RAB31: variants seen among roughly 807,000 people sequenced by gnomAD.
RAB31 encodes the protein RAB31, member RAS oncogene family.
RAB31 carries 21 observed loss-of-function variants against 25.6 expected under a neutral mutation model. The ratio of observed to expected loss-of-function variants is 0.82; its 90% CI spans 0.58 to 1.18. The LOEUF (loss-of-function observed/expected upper bound fraction) is 1.18. RAB31 is among the 50% of genes most tolerant of loss of function. The pLI, the probability that RAB31 is intolerant of heterozygous loss-of-function variation, is 0.00. For synonymous variants in RAB31, 87 were observed against 84.0 expected (o/e 1.04, Z -0.20); for missense variants, 196 against 250.1 (o/e 0.78, Z 1.46).
intron 3 of RAB31, among the ~76,000 whole-genome samples, chr18:9,799,884 A>G (rs79185144): frequency 0.017 from 2,556 of 152,336 alleles, 66 homozygotes; most frequent in African/African-American, 0.058. Context: ...ACCAAGGACT[A>G]TGAAGAGGGG....
chr18:9,773,786 G>A (rs920856299), intron 1 of RAB31, among the ~76,000 whole-genome samples: 1 of 152,128 alleles, frequency 6.6e-6, no homozygotes, highest in Non-Finnish European at 1.5e-5. Flanking sequence ...AGCCTCCCAA[G>A]TAGCTGGGAC....
At chr18:9,791,759 C>G (rs2068461526) in intron 2 of RAB31, among the ~76,000 whole-genome samples, 2 of 152,072 alleles carry the variant, frequency 1.3e-5, no homozygotes, top group Admixed American at 6.6e-5. Context: ...ACGCCGCCAC[C>G]AGGCCTGGCT....
intron 1 of RAB31, among the ~76,000 whole-genome samples, chr18:9,728,252 A>G (rs2068104949): frequency 6.6e-6 from 1 of 152,226 alleles, no homozygotes; most frequent in East Asian, 1.9e-4. Flanking sequence ...ATCATGATTT[A>G]CTTAACTGGT....
At chr18:9,784,965 T>C (rs2145496194) in intron 2 of RAB31, 1 of 152,300 alleles carries the variant, frequency 6.6e-6, no homozygotes, top group Non-Finnish European at 1.5e-5. Flanking sequence ...GAGCAAAAGT[T>C]ATGTTAAAAT....
chr18:9,847,583 C>CT (rs998532707), intron 6 of RAB31, among the ~76,000 whole-genome samples: 11 of 151,612 alleles, frequency 7.3e-5, no homozygotes, highest in South Asian at 2.1e-4. Context: ...TATCTTTTTT[C>CT]TTTTTTTTTC....
At chr18:9,758,076 G>A (rs2068268983) in intron 1 of RAB31, 1 of 152,284 alleles carries the variant, frequency 6.6e-6, no homozygotes, top group Non-Finnish European at 1.5e-5. Context: ...TAAGCCCTGG[G>A]CCTGGGGATG....
chr18:9,781,733 T>C (rs1390941468), intron 2 of RAB31, among the ~76,000 whole-genome samples: 1 of 152,248 alleles, frequency 6.6e-6, no homozygotes, highest in Admixed American at 6.5e-5. Context: ...GATGAAAATT[T>C]TCCCTCTGGA....
intron 6 of RAB31, among the ~76,000 whole-genome samples, chr18:9,848,799 G>A (rs565646866): frequency 6.6e-6 from 1 of 152,310 alleles, no homozygotes; most frequent in Admixed American, 6.5e-5. Flanking sequence ...CATTGACTCG[G>A]ATGAAGAGAT....
At chr18:9,856,597 A>G (rs2068817337) in intron 6 of RAB31, among the ~76,000 whole-genome samples, 1 of 152,232 alleles carries the variant, frequency 6.6e-6, no homozygotes, top group African/African-American at 2.4e-5. Flanking sequence ...CAAAGTTTTG[A>G]TGTTAACATA....
At chr18:9,723,628 G>T (rs1343306021) in intron 1 of RAB31, 1 of 152,216 alleles carries the variant, frequency 6.6e-6, no homozygotes, top group Non-Finnish European at 1.5e-5. Context: ...CCAGGACGGG[G>T]CAGCTGCATC....
At chr18:9,715,406 TTTGCCCCC>T (rs1362713017) in intron 1 of RAB31, among the ~76,000 whole-genome samples, 14 of 139,366 alleles carry the variant, frequency 1.0e-4, no homozygotes, top group Admixed American at 9.9e-4. Flanking sequence ...TTTAATTCCC[TTTGCCCCC>T]TTTTTTTTTT....
chr18:9,853,769 A>G (rs1449541917), intron 6 of RAB31, among the ~76,000 whole-genome samples: 3 of 152,090 alleles, frequency 2.0e-5, no homozygotes, highest in Non-Finnish European at 4.4e-5. Context: ...AATGGGAGAA[A>G]TTGAAGATGA....
intron 5 of RAB31, among the ~76,000 whole-genome samples, chr18:9,818,604 A>G (rs1441315040): frequency 1.3e-5 from 2 of 152,170 alleles, no homozygotes; most frequent in Non-Finnish European, 2.9e-5. Context: ...CATTTGAATT[A>G]TTTCTACTTT....
At chr18:9,834,523 T>G (rs1431134907) in intron 5 of RAB31, among the ~76,000 whole-genome samples, 4 of 152,194 alleles carry the variant, frequency 2.6e-5, no homozygotes, top group Non-Finnish European at 4.4e-5. Context: ...CTGTCAGTCC[T>G]ATTGTGACAA....
intron 1 of RAB31, among the ~76,000 whole-genome samples, chr18:9,732,689 T>G (rs984207862): frequency 3.3e-5 from 5 of 152,134 alleles, no homozygotes; most frequent in Non-Finnish European, 5.9e-5. Context: ...TCAGACAAAT[T>G]TAAAAATTCC....
chr18:9,819,552 C>G (rs943822306), intron 5 of RAB31, among the ~76,000 whole-genome samples: 1 of 152,124 alleles, frequency 6.6e-6, no homozygotes, highest in South Asian at 2.1e-4. Flanking sequence ...ATTCTGGACC[C>G]TTAACATTTT....
intron 1 of RAB31, among the ~76,000 whole-genome samples, chr18:9,743,847 T>G (rs1041968087): frequency 2.6e-5 from 4 of 152,242 alleles, no homozygotes; most frequent in African/African-American, 9.6e-5. Flanking sequence ...CAGACAGATC[T>G]AACTGTGGAC....
At position 9,815,224 on chromosome 18, in the gene RAB31, T is replaced by A. The variant is rs765804532; in HGVS notation, c.380+2T>A. The A allele has an allele frequency of 1.3e-6, 2 of 1,525,140 alleles. No individual in the cohort carries two copies. The highest frequency in any genetic ancestry group is 2.4e-5 in the South Asian group (2 of 83,516). The allele number at this position is 1,525,140 out of a possible 1,614,324, so 94.5% of individuals were successfully genotyped here. ...CAAGTGCGACCTCTCAGATATTAGG[T>A]AAGATGCATTGAAATCTCTTTTGTG... On this transcript the variant is annotated splice_donor_variant, in intron 5 of 6. Coordinates refer to ENST00000578921, the MANE Select transcript of RAB31 (RefSeq NM_006868.4). LOFTEE classifies it high-confidence loss of function.
chr18:9,751,550 A>G (rs752824345), intron 1 of RAB31, among the ~76,000 whole-genome samples: 4 of 152,192 alleles, frequency 2.6e-5, no homozygotes, highest in Non-Finnish European at 5.9e-5. Flanking sequence ...AGGCCCTTAC[A>G]TCGGGCCACA....
Sources: gnomAD v4.1 joint callset for allele counts (sites outside exome capture counted in the v4.1 genomes callset) on GRCh38, gnomAD v4.1.1 for gene constraint, MANE v1.5 for transcripts, NCBI Gene and HGNC (gene_info 2026-07-23, HGNC 2026-07-21) for gene names.